Variants in PTPRK observed in about 807,000 individuals in gnomAD.
The protein encoded by PTPRK is protein tyrosine phosphatase receptor type K, also known as receptor-type tyrosine-protein phosphatase kappa.
In PTPRK, 75 loss-of-function variants were observed where a neutral mutation model predicts 178.0. That is an observed-to-expected ratio of 0.42 (90% CI 0.35 to 0.51). The LOEUF (loss-of-function observed/expected upper bound fraction) is 0.51, where lower values mean the gene tolerates loss of function less well. Among genes scored for constraint, PTPRK ranks in the 20% least tolerant of loss-of-function variants. The probability of loss-of-function intolerance (pLI) is 0.02; values close to 1 mark genes in which losing one functional copy is unlikely to be tolerated. For synonymous variants in PTPRK, 637 were observed against 620.6 expected, an observed-to-expected ratio of 1.03 and a Z score of -0.39; for missense variants, 1,441 against 1,797.8, an observed-to-expected ratio of 0.80 and a Z score of 3.59.
intron 3 of PTPRK, among the ~76,000 whole-genome samples, chr6:128,303,640 A>C (rs1225866495): frequency 6.6e-6 from 1 of 152,198 alleles, no homozygotes; most frequent in African/African-American, 2.4e-5. Context: ...TTGCTACCTC[A>C]ATATCTTAAA....
At chr6:128,036,768 T>C (rs1776295244) in intron 13 of PTPRK, among the ~76,000 whole-genome samples, 1 of 151,386 alleles carries the variant, frequency 6.6e-6, no homozygotes, top group Admixed American at 6.6e-5. Context: ...GGAGCTTCGC[T>C]CTTGTTACCC....
At chr6:128,030,993 G>A (rs1333329724) in intron 13 of PTPRK, among the ~76,000 whole-genome samples, 3 of 152,096 alleles carry the variant, frequency 2.0e-5, no homozygotes, top group Non-Finnish European at 4.4e-5. Flanking sequence ...TAGATAAAAT[G>A]ATTAAATCAA....
intron 2 of PTPRK, among the ~76,000 whole-genome samples, chr6:128,397,164 A>C (rs2128368761): frequency 6.6e-6 from 1 of 152,334 alleles, no homozygotes; most frequent in South Asian, 2.1e-4. Context: ...TTACAATGTA[A>C]TAAAATTCTT....
intron 7 of PTPRK, among the ~76,000 whole-genome samples, chr6:128,151,264 A>AT (rs1209476172): frequency 1.3e-5 from 2 of 152,070 alleles, no homozygotes. Context: ...ACTTGGAACT[A>AT]TATTTTTAAA....
At chr6:128,500,173 T>C (rs1855327204) in intron 1 of PTPRK, among the ~76,000 whole-genome samples, 1 of 152,234 alleles carries the variant, frequency 6.6e-6, no homozygotes, top group Non-Finnish European at 1.5e-5. Context: ...TGTATTGTTG[T>C]CATTATGTCA....
chr6:128,374,746 G>A (rs183040584), intron 2 of PTPRK, among the ~76,000 whole-genome samples: 17 of 151,960 alleles, frequency 1.1e-4, no homozygotes, highest in South Asian at 2.1e-4. Flanking sequence ...TCCACATCCC[G>A]CACTCAGTAT....
At chr6:127,988,992 A>G (rs1776279367) in intron 21 of PTPRK, among the ~76,000 whole-genome samples, 1 of 152,042 alleles carries the variant, frequency 6.6e-6, no homozygotes, top group African/African-American at 2.4e-5. Flanking sequence ...ATATAATATA[A>G]TTTTAGTTTT....
chr6:128,296,185 G>A (rs1359272164), intron 3 of PTPRK, among the ~76,000 whole-genome samples: 1 of 151,938 alleles, frequency 6.6e-6, no homozygotes, highest in Non-Finnish European at 1.5e-5. Context: ...GTGACTCCTT[G>A]CAACCCATGG....
At chr6:128,197,531 T>C (rs1217739012) in intron 6 of PTPRK, among the ~76,000 whole-genome samples, 2 of 152,126 alleles carry the variant, frequency 1.3e-5, no homozygotes, top group Non-Finnish European at 2.9e-5. Flanking sequence ...TATTTTAATA[T>C]ATAAATGCAA....
In PTPRK at chr6:128,291,885, C is replaced by T. The variant is rs571378529; in HGVS notation, c.495+30154G>A. 1.2e-4 allele frequency among the ~76,000 whole-genome samples: 19 copies of T among 152,230 alleles called. 1 individual carries two copies. Among genetic ancestry groups the T allele is most frequent in the African/African-American group, 4.6e-4 (19 of 41,572 alleles). On this transcript the variant is annotated intron_variant, in intron 3 of 29. Coordinates refer to ENST00000368226, the MANE Select transcript of PTPRK (RefSeq NM_002844.4). ...CCTGGTAGGCATTTGTTTTTAACTACTCTTGTTGTAGAAAAAGGGCAAAGT... is the reference window on the plus strand; with the variant it reads ...CCTGGTAGGCATTTGTTTTTAACTATTCTTGTTGTAGAAAAAGGGCAAAGT...
At chr6:128,219,160 T>C (rs1809917895) in intron 5 of PTPRK, 64 bp from the exon 6 acceptor site, 1 of 1,403,980 alleles carries the variant, frequency 7.1e-7, no homozygotes, top group African/African-American at 1.4e-5. Context: ...ATAAAGCATC[T>C]TAGCAAGCAA....
At chr6:128,463,365 A>G (rs923922805) in intron 1 of PTPRK, among the ~76,000 whole-genome samples, 6 of 152,128 alleles carry the variant, frequency 3.9e-5, no homozygotes, top group African/African-American at 1.4e-4. Flanking sequence ...GCAGCCTCCA[A>G]TGTGCTATTC....
intron 7 of PTPRK, among the ~76,000 whole-genome samples, chr6:128,179,406 C>T (rs564585471): frequency 6.6e-6 from 1 of 152,100 alleles, no homozygotes; most frequent in East Asian, 1.9e-4. Context: ...TTTATTCTTA[C>T]ATTCCCAAGA....
chr6:128,135,812 G>C (rs184625536), intron 7 of PTPRK, among the ~76,000 whole-genome samples: 1 of 150,476 alleles, frequency 6.6e-6, no homozygotes, highest in East Asian at 1.9e-4. Context: ...TGGCCATTGT[G>C]ATCAAGTACT....
intron 2 of PTPRK, 89 bp downstream of exon 2, chr6:128,397,477 T>A: frequency 6.7e-7 from 1 of 1,492,698 alleles, no homozygotes; most frequent in South Asian, 1.2e-5. Context: ...ATTATAACCA[T>A]TAAATTATTG....
intron 7 of PTPRK, among the ~76,000 whole-genome samples, chr6:128,149,678 A>G (rs960547479): frequency 1.3e-5 from 2 of 152,192 alleles, no homozygotes; most frequent in African/African-American, 4.8e-5. Context: ...CTTGGTAAAG[A>G]ACCTAGCACT....
intron 1 of PTPRK, among the ~76,000 whole-genome samples, chr6:128,478,116 T>G (rs994815217): frequency 3.3e-5 from 5 of 152,156 alleles, no homozygotes; most frequent in African/African-American, 1.2e-4. Flanking sequence ...TCTTTGGAGA[T>G]AGTGTTCTGA....
At chr6:128,139,360 C>G (rs1054902885) in intron 7 of PTPRK, among the ~76,000 whole-genome samples, 4 of 151,954 alleles carry the variant, frequency 2.6e-5, no homozygotes, top group Non-Finnish European at 5.9e-5. Flanking sequence ...AAAGCTATCT[C>G]AGACATTTTA....
At chr6:128,114,773 G>A (rs1444164652) in intron 7 of PTPRK, among the ~76,000 whole-genome samples, 1 of 151,350 alleles carries the variant, frequency 6.6e-6, no homozygotes, top group African/African-American at 2.4e-5. Flanking sequence ...GGGACACAGA[G>A]CAAAACATAT....
Sources: allele counts gnomAD v4.1 joint callset (sites outside exome capture counted in the v4.1 genomes callset), GRCh38; gene constraint gnomAD v4.1.1; transcripts MANE v1.5; gene names NCBI Gene and HGNC (gene_info 2026-07-23, HGNC 2026-07-21).